Variants in NEDD9 observed in about 807,000 individuals in gnomAD.
NEDD9 encodes the protein enhancer of filamentation 1.
NEDD9 carries 26 observed loss-of-function variants against 76.6 expected under a neutral mutation model. The observed-to-expected ratio is 0.34, with a 90% CI of 0.25 to 0.47. The LOEUF is 0.47. Ranked by LOEUF, NEDD9 falls within the 20% of genes least tolerant of loss-of-function variation. NEDD9 has a pLI of 1.00. For synonymous variants in NEDD9, 392 were observed against 414.2 expected (o/e 0.95, Z 0.65); for missense variants, 937 against 1,058.5 (o/e 0.89, Z 1.59).
chr6:11,312,712 T>TATA (rs1439587093), intron 2 of NEDD9, among the ~76,000 whole-genome samples: 2,212 of 147,122 alleles, frequency 0.015, 38 homozygotes, highest in Admixed American at 0.039. Flanking sequence ...ATATATATAT[T>TATA]TTTAAAGAGT....
chr6:11,187,659 C>T (rs960894347), intron 6 of NEDD9, among the ~76,000 whole-genome samples: 1 of 152,036 alleles, frequency 6.6e-6, no homozygotes, highest in African/African-American at 2.4e-5. Context: ...AAGAGGAAGC[C>T]GAGATGAAAA....
intron 2 of NEDD9, chr6:11,200,696 G>A (rs1267711114): frequency 1.6e-5 from 20 of 1,289,424 alleles, no homozygotes; most frequent in Non-Finnish European, 2.0e-5. Context: ...GATCTACGAG[G>A]CAGTGAGAAT....
chr6:11,372,951 A>G (rs1006063267), intron 1 of NEDD9, among the ~76,000 whole-genome samples: 1 of 152,166 alleles, frequency 6.6e-6, no homozygotes, highest in African/African-American at 2.4e-5. Context: ...ACATAAACCA[A>G]TGTCTTTATT....
intron 2 of NEDD9, among the ~76,000 whole-genome samples, chr6:11,314,254 T>G (rs1317948200): frequency 2.0e-5 from 3 of 152,188 alleles, no homozygotes. Context: ...TGCTCCATCT[T>G]TGTTACCCCA....
At chr6:11,210,978 C>G (rs1385062458) in intron 2 of NEDD9, among the ~76,000 whole-genome samples, 2 of 152,184 alleles carry the variant, frequency 1.3e-5, no homozygotes. Context: ...CCTCCCCATC[C>G]TGGCCATGTC....
intron 3 of NEDD9, among the ~76,000 whole-genome samples, chr6:11,193,310 TAAAAAAA>T (rs796698181): frequency 1.5e-4 from 20 of 136,620 alleles, no homozygotes; most frequent in Non-Finnish European, 2.4e-4. Context: ...GATTCTGTCT[TAAAAAAA>T]AAAAAAAGAA....
At chr6:11,231,765 T>C (rs1242627858) in intron 1 of NEDD9, among the ~76,000 whole-genome samples, 1 of 152,002 alleles carries the variant, frequency 6.6e-6, no homozygotes, top group Non-Finnish European at 1.5e-5. Flanking sequence ...GCAAGAAAAA[T>C]CCACAAACAA....
chr6:11,309,267 C>T (rs902705155), intron 2 of NEDD9, among the ~76,000 whole-genome samples: 1 of 152,186 alleles, frequency 6.6e-6, no homozygotes, highest in African/African-American at 2.4e-5. Flanking sequence ...GTATGGTATT[C>T]CACTGTATGG....
At chr6:11,299,677 A>G (rs1401090839) in intron 3 of NEDD9, among the ~76,000 whole-genome samples, 1 of 152,154 alleles carries the variant, frequency 6.6e-6, no homozygotes, top group Non-Finnish European at 1.5e-5. Context: ...AGGCAGCAAT[A>G]TTTGCTGTTC....
intron 3 of NEDD9, among the ~76,000 whole-genome samples, chr6:11,255,085 T>G (rs1759977580): frequency 6.6e-6 from 1 of 152,162 alleles, no homozygotes; most frequent in African/African-American, 2.4e-5. Flanking sequence ...ACAGGATTCA[T>G]AGAGTGAGAC....
intron 3 of NEDD9, among the ~76,000 whole-genome samples, chr6:11,257,717 G>A (rs1408079826): frequency 6.6e-6 from 1 of 151,884 alleles, no homozygotes; most frequent in South Asian, 2.1e-4. Context: ...GATGAGGGCC[G>A]AGGCTTCTCA....
chr6:11,322,164 C>T (rs1483452329), intron 2 of NEDD9, among the ~76,000 whole-genome samples: 1 of 152,098 alleles, frequency 6.6e-6, no homozygotes, highest in Non-Finnish European at 1.5e-5. Context: ...CATCACATAG[C>T]AGGGCCTGTT....
intron 3 of NEDD9, among the ~76,000 whole-genome samples, chr6:11,291,096 G>A (rs572924060): frequency 6.6e-6 from 1 of 152,072 alleles, no homozygotes; most frequent in South Asian, 2.1e-4. Flanking sequence ...GTCCAGGAGA[G>A]TCCCTGACTG....
At chr6:11,296,674 C>CCCTT (rs1760898840) in intron 3 of NEDD9, among the ~76,000 whole-genome samples, 1 of 88,210 alleles carries the variant, frequency 1.1e-5, no homozygotes, top group African/African-American at 5.3e-5. Flanking sequence ...CCTTTCCTTT[C>CCCTT]CTTTCCCTTC....
intron 3 of NEDD9, among the ~76,000 whole-genome samples, chr6:11,284,552 C>A (rs1278397567): frequency 2.0e-5 from 3 of 151,598 alleles, no homozygotes; most frequent in African/African-American, 7.3e-5. Flanking sequence ...AGCGACAGAG[C>A]AAGACTCTGT....
upstream of NEDD9, among the ~76,000 whole-genome samples, chr6:11,236,316 A>G (rs978585824): frequency 3.9e-5 from 6 of 152,220 alleles, no homozygotes; most frequent in Admixed American, 3.3e-4. The surrounding 1 kb of genome is among the most constrained non-coding windows in gnomAD (Gnocchi z 5.5). Flanking sequence ...TCTTCAACCA[A>G]GCACTCTTCC....
rs914146111 is a variant in NEDD9 at position 11,189,911 on chromosome 6, A to T, written c.1905+53T>A. On this transcript the variant is annotated intron_variant, in intron 5 of 6. Transcript: ENST00000379446. ...CGACATCCTTATAGGCATCTTTCTC[A>T]GGCTCCCTGCATGTGAGTGAGTGTA... The T allele has an allele frequency of 1.7e-5, 26 of 1,495,582 alleles. No homozygotes were observed. The African/African-American group carries it at 3.4e-4, about 19-fold the overall frequency. The allele number at this position is 1,495,582 out of a possible 1,614,324, so 92.6% of individuals were successfully genotyped here. A position where few individuals can be genotyped will look rare whatever the true frequency, so the allele number is the denominator to read the frequency against.
chr6:11,322,538 G>A (rs1342582907), intron 2 of NEDD9, among the ~76,000 whole-genome samples: 2 of 152,166 alleles, frequency 1.3e-5, no homozygotes, highest in Non-Finnish European at 2.9e-5. Flanking sequence ...GCAAGGATGA[G>A]AGAGGAAGGA....
Position 11,193,688 on chromosome 6 carries a change from A to G in NEDD9, c.464T>C (p.Ile155Thr). 1 of 1,613,080 alleles carries G rather than the reference A, an allele frequency of 6.2e-7. No homozygotes were observed. The highest frequency in any genetic ancestry group is 1.1e-5 in the South Asian group (1 of 91,008). ...TSGPHVGKKV[I>T]TPVRTGHGYV... ...GCCATGGCCTGTCCTCACGGGGGTTATCACCTGTGGGAGAGAAGGCACAGA... is the reference window on the plus strand; with the variant it reads ...GCCATGGCCTGTCCTCACGGGGGTTGTCACCTGTGGGAGAGAAGGCACAGA... The change falls in exon 3 of 7, where the codon ATA (isoleucine) becomes ACA (threonine). Residue 155 changes from isoleucine (I) to threonine (T), a missense_variant. By Grantham distance (89) the Ile-to-Thr change is moderately conservative (BLOSUM62 -1). Coordinates refer to ENST00000379446, the MANE Select transcript of NEDD9 (RefSeq NM_006403.4).
Sources: allele counts gnomAD v4.1 joint callset (sites outside exome capture counted in the v4.1 genomes callset), GRCh38; gene constraint gnomAD v4.1.1; non-coding constraint Gnocchi (gnomAD v3.1); transcripts MANE v1.5; gene names NCBI Gene and HGNC (gene_info 2026-07-23, HGNC 2026-07-21).